The following CCDC62 variants were observed in gnomAD, a reference collection of about 807,000 sequenced individuals.
The protein encoded by CCDC62 is coiled-coil domain-containing protein 62.
Under a neutral mutation model 80.8 loss-of-function variants are expected in CCDC62, and 72 were observed. The ratio of observed to expected loss-of-function variants is 0.89; its 90% CI spans 0.74 to 1.08. The LOEUF is 1.08. Among genes scored for constraint, CCDC62 ranks in the 50% least tolerant of loss-of-function variants. The pLI is 0.00. For missense variants in CCDC62, 704 were observed against 809.4 expected, an observed-to-expected ratio of 0.87 and a Z score of 1.58; for synonymous variants, 286 against 296.5, an observed-to-expected ratio of 0.96 and a Z score of 0.36.
intron 1 of CCDC62, chr12:122,776,825 TG>T (rs1879484411): frequency 6.6e-6 from 1 of 152,244 alleles, no homozygotes; most frequent in African/African-American, 2.4e-5. Flanking sequence ...GATAGAGTTT[TG>T]CTCTTGTTGC....
Position 122,813,170 on chromosome 12 carries a change from G to A in CCDC62, c.1852-100G>A, listed in dbSNP as rs116579588. The A allele has an allele frequency of 3.3e-3, 4,210 of 1,283,952 alleles. 98 individuals carry two copies. The African/African-American group carries it at 0.056, about 17-fold the overall frequency. The allele number at this position is 1,283,952 out of a possible 1,614,324, so 79.5% of individuals were successfully genotyped here. A position where few individuals can be genotyped will look rare whatever the true frequency, so the allele number is the denominator to read the frequency against. On this transcript the variant is annotated intron_variant, in intron 10 of 12. Coordinates refer to ENST00000253079, the MANE Select transcript of CCDC62 (RefSeq NM_201435.5). Reference sequence around the variant, plus strand: ...TGTGCCACTGCACTTCAGCCTGGGCGTCAGAGCAAGAGAAAGAAAAAAGAA... The same window carrying A: ...TGTGCCACTGCACTTCAGCCTGGGCATCAGAGCAAGAGAAAGAAAAAAGAA...
intron 10 of CCDC62, among the ~76,000 whole-genome samples, chr12:122,810,019 C>G (rs1300854063): frequency 5.9e-5 from 9 of 152,134 alleles, no homozygotes; most frequent in Non-Finnish European, 1.2e-4. Context: ...AAAATTAATT[C>G]AAGATGGATT....
chr12:122,786,671 A>G (rs1313877984), intron 4 of CCDC62, among the ~76,000 whole-genome samples: 1 of 152,014 alleles, frequency 6.6e-6, no homozygotes, highest in East Asian at 2.0e-4. Flanking sequence ...GTTAAAATTA[A>G]AGAGAAAGGC....
At chr12:122,788,169 T>C (rs762968700) in intron 4 of CCDC62, among the ~76,000 whole-genome samples, 3 of 152,144 alleles carry the variant, frequency 2.0e-5, no homozygotes, top group African/African-American at 7.2e-5. Context: ...CTTTTACTTA[T>C]TTTTATACTT....
At chr12:122,802,969 G>A (rs868388826) in intron 9 of CCDC62, among the ~76,000 whole-genome samples, 1 of 152,312 alleles carries the variant, frequency 6.6e-6, no homozygotes, top group Middle Eastern at 3.4e-3. Context: ...GTTTGAGACT[G>A]CAGTGAGCTA....
At chr12:122,825,699 G>A (rs1370244129) in intron 12 of CCDC62, among the ~76,000 whole-genome samples, 2 of 150,312 alleles carry the variant, frequency 1.3e-5, no homozygotes, top group Admixed American at 6.6e-5. Context: ...AGTTTTACAT[G>A]GGGTAGCTGG....
chr12:122,777,721 T>G (rs769337476), intron 2 of CCDC62, 38 bp downstream of exon 2: 1 of 1,571,880 alleles, frequency 6.4e-7, no homozygotes, highest in Admixed American at 1.7e-5. Context: ...TATGCACTTC[T>G]GTGTGCTAAC....
At chr12:122,781,064 A>G in intron 2 of CCDC62, 100 bp from the exon 3 acceptor site, 1 of 870,122 alleles carries the variant, frequency 1.1e-6, no homozygotes, top group Non-Finnish European at 1.8e-6. Context: ...TGTCTTTTTA[A>G]AAATTCTCTA....
rs930695036 is a variant in CCDC62, at chr12:122,774,697, C to T, written c.27C>T (p.Ala9=). 4.8e-6 allele frequency: 6 copies of T among 1,256,824 alleles called. No homozygotes were observed. Among genetic ancestry groups the T allele is most frequent in the East Asian group, 6.2e-5 (2 of 32,438 alleles). The allele number at this position is 1,256,824 out of a possible 1,614,324, so 77.9% of individuals were successfully genotyped here. MNPPAAFL[A]GRQNIGSEVE... ...TGAACCCTCCGGCAGCCTTCCTTGC[C>T]GGGCGCCAGGTAAGCAGCGGTTCCG... The change falls in exon 1 of 13, where the codon GCC becomes GCT. Residue 9 remains alanine, a synonymous_variant. Transcript: ENST00000253079.
Position 122,801,567 on chromosome 12 carries a change from C to A in CCDC62, c.1421C>A (p.Pro474Gln), listed in dbSNP as rs1173972839. 5.6e-6 allele frequency: 9 copies of A among 1,613,968 alleles called. No homozygotes were observed. Among genetic ancestry groups the A allele is most frequent in the Non-Finnish European group, 7.6e-6 (9 of 1,180,026 alleles). ...GTTTACCTGGGCCTGACCAACTGTCCAAGTTCAAAACATCCAGAAAAGCTG... is the reference window on the plus strand; with the variant it reads ...GTTTACCTGGGCCTGACCAACTGTCAAAGTTCAAAACATCCAGAAAAGCTG... The part of the protein sequence containing the change: ...VSVYLGLTNC[P>Q]SSKHPEKLDV... Residue 474 changes from proline to glutamine, a missense_variant, in exon 9 of 13, where the codon CCA (proline) becomes CAA (glutamine). Physicochemically the swap from Pro to Gln is moderately conservative, Grantham distance 76 (BLOSUM62 -1). Coordinates refer to ENST00000253079, the MANE Select transcript of CCDC62 (RefSeq NM_201435.5).
chr12:122,818,771 T>A (rs1284363008), intron 11 of CCDC62, among the ~76,000 whole-genome samples: 1 of 151,950 alleles, frequency 6.6e-6, no homozygotes, highest in Admixed American at 6.6e-5. Context: ...AAATAAAAAT[T>A]AGCCAAGTGT....
intron 5 of CCDC62, among the ~76,000 whole-genome samples, chr12:122,790,217 A>T (rs1441500733): frequency 6.6e-6 from 1 of 151,968 alleles, no homozygotes; most frequent in Non-Finnish European, 1.5e-5. Flanking sequence ...TGCCCGGCTA[A>T]TTTTTGTATT....
Position 122,806,282 on chromosome 12 carries a change from C to T in CCDC62, c.1838C>T (p.Ala613Val), listed in dbSNP as rs2031598675. 6.2e-7 allele frequency: 1 copy of T among 1,609,340 alleles called. No homozygotes were observed. The highest frequency in any genetic ancestry group is 1.3e-5 in the African/African-American group (1 of 74,780). ...TSLLIYKDAP[A>V]FNEKASIVLP... ...TTGTTAATCTACAAAGATGCACCAG[C>T]ATTCAATGAAAAGGTTCGTATTTTG... Residue 613 changes from alanine to valine, a missense_variant, in exon 10 of 13, where the codon GCA (alanine) becomes GTA (valine). Physicochemically the swap from Ala to Val is moderately conservative, Grantham distance 64. Coordinates refer to ENST00000253079, the MANE Select transcript of CCDC62 (RefSeq NM_201435.5).
intron 3 of CCDC62, among the ~76,000 whole-genome samples, chr12:122,784,775 C>T (rs993494481): frequency 6.6e-6 from 1 of 151,848 alleles, no homozygotes. Context: ...TTCAAGGTTA[C>T]TATGAGCTAT....
chr12:122,797,584 G>A (rs554318082), intron 7 of CCDC62, among the ~76,000 whole-genome samples, 189 bp downstream of exon 7: 8 of 151,936 alleles, frequency 5.3e-5, no homozygotes, highest in African/African-American at 1.4e-4. Context: ...ACTGTCAACC[G>A]GGCTGGGGTG....
chr12:122,774,577 G>C lies in CCDC62; in HGVS notation c.-94G>C, dbSNP rs1371675440. Reference sequence around the variant, plus strand: ...CGAGGGCGCGGGGCCCCGGGGCTCCGGGCTCGCCCCCGCCGCTCGGGGCAG... The same window carrying C: ...CGAGGGCGCGGGGCCCCGGGGCTCCCGGCTCGCCCCCGCCGCTCGGGGCAG... On this transcript the variant is annotated 5_prime_UTR_variant, in exon 1 of 13. Coordinates refer to ENST00000253079, the MANE Select transcript of CCDC62 (RefSeq NM_201435.5). The C allele has an allele frequency of 1.0e-6, 1 of 1,002,904 alleles. No individual in the cohort carries two copies. Among genetic ancestry groups the C allele is most frequent in the Non-Finnish European group, 1.3e-6 (1 of 776,060 alleles). 62.1% of individuals were successfully genotyped at this position (1,002,904 alleles called of 1,614,324 possible).
intron 2 of CCDC62, among the ~76,000 whole-genome samples, chr12:122,780,486 C>A (rs1302643099): frequency 6.6e-6 from 1 of 151,306 alleles, no homozygotes; most frequent in Non-Finnish European, 1.5e-5. Flanking sequence ...TGGTGGCAGG[C>A]ACCTGTAGTC....
chr12:122,795,631 A>C (rs530739902), intron 6 of CCDC62, among the ~76,000 whole-genome samples: 4 of 152,006 alleles, frequency 2.6e-5, no homozygotes, highest in South Asian at 2.1e-4. Flanking sequence ...TCACCGTGTT[A>C]GCCAGGATGG....
At chr12:122,799,447 C>T (rs2031161076) in intron 8 of CCDC62, among the ~76,000 whole-genome samples, 1 of 152,156 alleles carries the variant, frequency 6.6e-6, no homozygotes, top group South Asian at 2.1e-4. Flanking sequence ...GAGTAGGAGC[C>T]CCACTCCACC....
Sources: gnomAD v4.1 joint callset for allele counts (sites outside exome capture counted in the v4.1 genomes callset) on GRCh38, gnomAD v4.1.1 for gene constraint, MANE v1.5 for transcripts, NCBI Gene and HGNC (gene_info 2026-07-23, HGNC 2026-07-21) for gene names.